The following NAV3 variants were observed in gnomAD, a reference collection of about 807,000 sequenced individuals.
The protein encoded by NAV3 is pore membrane and/or filament interacting like protein 1.
Under a neutral mutation model 244.7 loss-of-function variants are expected in NAV3, and 87 were observed. That is an observed-to-expected ratio of 0.36 (90% CI 0.30 to 0.42). The LOEUF (loss-of-function observed/expected upper bound fraction) is 0.42. Among genes scored for constraint, NAV3 ranks in the 20% least tolerant of loss-of-function variants. The pLI is 1.00. For synonymous variants in NAV3, 1,126 were observed against 1,042.2 expected, an observed-to-expected ratio of 1.08 and a Z score of -1.55; for missense variants, 2,663 against 2,893.3, an observed-to-expected ratio of 0.92 and a Z score of 1.83.
At chr12:78,158,651 A>C (rs1957403526) in intron 22 of NAV3, among the ~76,000 whole-genome samples, 1 of 152,200 alleles carries the variant, frequency 6.6e-6, no homozygotes, top group African/African-American at 2.4e-5. Context: ...TGGAAAGTAA[A>C]GATAACTCTT....
At chr12:78,022,312 GA>G (rs754954538) in intron 9 of NAV3, among the ~76,000 whole-genome samples, 8 of 151,902 alleles carry the variant, frequency 5.3e-5, no homozygotes, top group South Asian at 2.1e-4. Flanking sequence ...GATGATGTAA[GA>G]AAAAAAATAC....
intron 3 of NAV3, among the ~76,000 whole-genome samples, chr12:77,964,938 G>A (rs920893549): frequency 6.6e-6 from 1 of 151,920 alleles, no homozygotes; most frequent in Non-Finnish European, 1.5e-5. Context: ...ATTTTATAAG[G>A]ATAGATTCTT....
intron 2 of NAV3, among the ~76,000 whole-genome samples, chr12:77,674,273 A>C (rs1326486462): frequency 6.6e-6 from 1 of 152,220 alleles, no homozygotes; most frequent in Non-Finnish European, 1.5e-5. Flanking sequence ...AGGCAAATCT[A>C]AATGACATTT....
intron 12 of NAV3, among the ~76,000 whole-genome samples, chr12:78,077,697 G>C (rs914798130): frequency 7.9e-5 from 12 of 152,186 alleles, no homozygotes; most frequent in African/African-American, 2.7e-4. Flanking sequence ...CAGCACTTTG[G>C]GAGACTGAGG....
chr12:77,594,214 G>A (rs749762449), intron 2 of NAV3, among the ~76,000 whole-genome samples: 2 of 152,012 alleles, frequency 1.3e-5, no homozygotes, highest in African/African-American at 2.4e-5. Context: ...TACCCATGGG[G>A]GATGTTGAGG....
At chr12:78,095,076 C>T (rs1192468015) in intron 12 of NAV3, among the ~76,000 whole-genome samples, 370 of 133,910 alleles carry the variant, frequency 2.8e-3, no homozygotes, top group African/African-American at 9.1e-3. Context: ...CACACACACA[C>T]ACACACACAC....
intron 9 of NAV3, among the ~76,000 whole-genome samples, chr12:78,037,873 C>G (rs150363382): frequency 1.1e-4 from 16 of 152,312 alleles, no homozygotes; most frequent in African/African-American, 3.9e-4. Context: ...TTCTATACCT[C>G]AGTGACAAGC....
intron 12 of NAV3, among the ~76,000 whole-genome samples, chr12:78,072,046 G>A (rs2137645437): frequency 6.6e-6 from 1 of 152,234 alleles, no homozygotes; most frequent in South Asian, 2.1e-4. Context: ...GTGTGTAGTG[G>A]GAAATTTATA....
At chr12:77,886,123 C>T (rs1256379078) in intron 1 of NAV3, among the ~76,000 whole-genome samples, 1 of 152,112 alleles carries the variant, frequency 6.6e-6, no homozygotes. Context: ...AATCTTTCAA[C>T]TGCTGCCTGA....
chr12:77,836,825 A>G (rs1399800655), intron 1 of NAV3, among the ~76,000 whole-genome samples: 1 of 152,166 alleles, frequency 6.6e-6, no homozygotes, highest in African/African-American at 2.4e-5. Flanking sequence ...GCTTGGGGCA[A>G]TCCAAAGAAA....
intron 9 of NAV3, among the ~76,000 whole-genome samples, chr12:78,040,504 G>A (rs1396063825): frequency 6.6e-6 from 1 of 152,172 alleles, no homozygotes; most frequent in South Asian, 2.1e-4. Flanking sequence ...AATATATTTA[G>A]TGAAACAGCA....
chr12:77,820,081 T>C (rs985845256), intron 2 of NAV3, among the ~76,000 whole-genome samples: 2 of 111,614 alleles, frequency 1.8e-5, no homozygotes, highest in African/African-American at 5.5e-5. Flanking sequence ...AAAATGTCAA[T>C]AAATTGAAGT....
intron 7 of NAV3, 81 bp downstream of exon 7, chr12:77,998,557 G>T (rs530248152): frequency 7.0e-7 from 1 of 1,435,192 alleles, no homozygotes; most frequent in Non-Finnish European, 9.3e-7. Context: ...TTTGAGCAGC[G>T]TAACAACTTT....
chr12:78,078,191 CTG>C (rs1392158632), intron 12 of NAV3, among the ~76,000 whole-genome samples: 2 of 152,042 alleles, frequency 1.3e-5, no homozygotes, highest in Non-Finnish European at 2.9e-5. Flanking sequence ...TTGATTACCT[CTG>C]TAAAGACCCT....
chr12:77,893,750 C>A (rs1473239239), intron 1 of NAV3, among the ~76,000 whole-genome samples: 2 of 152,142 alleles, frequency 1.3e-5, no homozygotes, highest in Non-Finnish European at 2.9e-5. Context: ...GTGACTACAG[C>A]AACTTCCATG....
chr12:77,845,113 G>A (rs1876390319), intron 1 of NAV3, among the ~76,000 whole-genome samples: 1 of 151,978 alleles, frequency 6.6e-6, no homozygotes, highest in South Asian at 2.1e-4. Context: ...ACACAGTTTT[G>A]TATAAATATG....
chr12:77,937,535 A>G (rs1889441516), intron 1 of NAV3, among the ~76,000 whole-genome samples: 1 of 152,210 alleles, frequency 6.6e-6, no homozygotes, highest in African/African-American at 2.4e-5. Flanking sequence ...TTATCATAAA[A>G]CAAAACCAAC....
At chr12:78,190,704 T>G (rs1464079211) in intron 34 of NAV3, among the ~76,000 whole-genome samples, 1 of 151,978 alleles carries the variant, frequency 6.6e-6, no homozygotes, top group African/African-American at 2.4e-5. Flanking sequence ...AGCAATTTGC[T>G]TATGTCACAT....
At chr12:77,710,866 A>G (rs1248282782) in intron 2 of NAV3, among the ~76,000 whole-genome samples, 1 of 152,144 alleles carries the variant, frequency 6.6e-6, no homozygotes, top group Non-Finnish European at 1.5e-5. Context: ...GGCAAAATTT[A>G]TTTGAGCTTT....
Sources: allele counts gnomAD v4.1 joint callset (sites outside exome capture counted in the v4.1 genomes callset), GRCh38; gene constraint gnomAD v4.1.1; transcripts MANE v1.5; gene names NCBI Gene and HGNC (gene_info 2026-07-23, HGNC 2026-07-21).